ACCSL: variants seen among roughly 807,000 people sequenced by gnomAD.
The protein encoded by ACCSL is probable inactive 1-aminocyclopropane-1-carboxylate synthase-like protein 2.
In ACCSL, 55 loss-of-function variants were observed where a neutral mutation model predicts 61.7. That is an observed-to-expected ratio of 0.89 (90% CI 0.72 to 1.12). The LOEUF (loss-of-function observed/expected upper bound fraction) is 1.12, where lower values mean the gene tolerates loss of function less well. Ranked by LOEUF, ACCSL falls within the 50% of genes most tolerant of loss-of-function variation. ACCSL has a pLI of 0.00. For synonymous variants in ACCSL, 258 were observed against 264.3 expected, an observed-to-expected ratio of 0.98 and a Z score of 0.23; for missense variants, 632 against 698.0, an observed-to-expected ratio of 0.91 and a Z score of 1.07.
At chr11:44,029,941 C>T in the ACCSL span, among the ~76,000 whole-genome samples, 2 of 150,470 alleles carry the variant, frequency 1.3e-5, no homozygotes, top group African/African-American at 2.4e-5. Flanking sequence ...TCATGTCAAA[C>T]AGTCAAACCA....
At chr11:43,929,466 G>A in the ACCSL span, among the ~76,000 whole-genome samples, 1 of 149,506 alleles carries the variant, frequency 6.7e-6, no homozygotes, top group Non-Finnish European at 1.5e-5. Flanking sequence ...GGAGTGAAGT[G>A]GCACGATCTT....
chr11:44,042,632 T>TTTG, the ACCSL span, among the ~76,000 whole-genome samples: 70 of 41,352 alleles, frequency 1.7e-3, no homozygotes, highest in Admixed American at 4.0e-3. Context: ...GGTTGTTTTT[T>TTTG]TTTTGTTTGT....
At chr11:44,036,800 A>AG in the ACCSL span, among the ~76,000 whole-genome samples, 1 of 150,654 alleles carries the variant, frequency 6.6e-6, no homozygotes, top group East Asian at 1.9e-4. Context: ...AAAAAAAAAA[A>AG]GATTCCCAGG....
At position 44,053,401 on chromosome 11, in the gene ACCSL, C is replaced by T; in HGVS notation, c.949-5C>T. On this transcript the variant is annotated splice_region_variant and splice_polypyrimidine_tract_variant and intron_variant, in intron 7 of 13. Coordinates refer to ENST00000378832, the MANE Select transcript of ACCSL (RefSeq NM_001031854.2). ...TTCACTCAGTTATATTTGGGTTTTT[C>T]TTAGGGGAAAAAGGTCCGAGGCCTT... is the stretch of plus-strand genomic sequence containing the variant. The T allele has an allele frequency of 6.2e-7, 1 of 1,613,874 alleles. No homozygotes were observed. The highest frequency in any genetic ancestry group is 1.1e-5 in the South Asian group (1 of 91,068).
the ACCSL span, chr11:43,943,937 G>A: frequency 9.7e-7 from 1 of 1,034,838 alleles, no homozygotes; most frequent in Non-Finnish European, 1.3e-6. This position sits in a 1 kb window ranked among gnomAD's most constrained non-coding sequence, Gnocchi z 4.8. Context: ...CCCAAGACTC[G>A]GGGAGGTGGG....
chr11:44,004,502 G>T, the ACCSL span, among the ~76,000 whole-genome samples: 1 of 152,080 alleles, frequency 6.6e-6, no homozygotes, highest in Admixed American at 6.5e-5. Flanking sequence ...GCTGAGCTCT[G>T]GTCCCCTCCC....
chr11:43,943,721 G>T, the ACCSL span: 1 of 1,304,432 alleles, frequency 7.7e-7, no homozygotes, highest in Non-Finnish European at 1.0e-6. The surrounding 1 kb of genome is among the most constrained non-coding windows in gnomAD (Gnocchi z 4.8). Context: ...AGGCGTGGCC[G>T]TTGGGACTTT....
chr11:43,935,495 G>GC, the ACCSL span, among the ~76,000 whole-genome samples: 1 of 152,336 alleles, frequency 6.6e-6, no homozygotes, highest in East Asian at 1.9e-4. Flanking sequence ...CAGCCCCCCA[G>GC]CCCCCTGAGT....
chr11:44,030,133 C>T, the ACCSL span, among the ~76,000 whole-genome samples: 1 of 124,950 alleles, frequency 8.0e-6, no homozygotes, highest in Admixed American at 9.3e-5. Context: ...ACAGTGGTGA[C>T]CTGCCTCTCT....
the ACCSL span, among the ~76,000 whole-genome samples, chr11:43,997,239 T>C: frequency 2.6e-5 from 4 of 152,252 alleles, 1 homozygote; most frequent in South Asian, 8.3e-4. Flanking sequence ...AGGTATTTTA[T>C]GCTAAACAGA....
At chr11:43,933,220 G>A in the ACCSL span, 5 of 455,386 alleles carry the variant, frequency 1.1e-5, no homozygotes, top group African/African-American at 8.0e-5. Flanking sequence ...AAACTTCTCA[G>A]AATGCGAGGC....
chr11:43,981,922 A>AG, the ACCSL span, among the ~76,000 whole-genome samples: 1 of 152,158 alleles, frequency 6.6e-6, no homozygotes, highest in Non-Finnish European at 1.5e-5. Flanking sequence ...CTCCCCACAA[A>AG]GGAGCTGAAA....
rs756912781 is a variant in ACCSL, at chr11:44,058,430, G to T, written c.1441G>T (p.Gly481Cys). 1 of 1,614,134 alleles carries T rather than the reference G, an allele frequency of 6.2e-7. No homozygotes were observed. The highest frequency in any genetic ancestry group is 8.5e-7 in the Non-Finnish European group (1 of 1,180,038). The change falls in exon 12 of 14, where the codon GGC (glycine) becomes TGC (cysteine). Residue 481 changes from glycine (G) to cysteine (C), a missense_variant. By Grantham distance (159) the Gly-to-Cys change is radical. Transcript: ENST00000378832. ...LEIPFHNRSS[G>C]LYVWINLKKY... ...GATCCCTTTTCACAACCGCAGCTCT[G>T]GCCTCTATGTCTGGATCAACTTGAA... is the stretch of plus-strand genomic sequence containing the variant.
chr11:43,952,607 T>G, the ACCSL span, among the ~76,000 whole-genome samples: 1 of 152,180 alleles, frequency 6.6e-6, no homozygotes, highest in African/African-American at 2.4e-5. Flanking sequence ...CCCAGTCACA[T>G]ACCGCCTGCT....
the ACCSL span, among the ~76,000 whole-genome samples, chr11:43,993,986 A>G: frequency 1.3e-5 from 2 of 152,320 alleles, no homozygotes; most frequent in East Asian, 3.9e-4. Context: ...ACTGGGCTCC[A>G]TCCCAGAGTT....
the ACCSL span, among the ~76,000 whole-genome samples, chr11:43,931,073 A>G: frequency 2.6e-5 from 4 of 152,134 alleles, no homozygotes; most frequent in Non-Finnish European, 5.9e-5. Context: ...CTGTGGCCTT[A>G]CGACCCCATC....
At chr11:44,021,307 C>A in the ACCSL span, among the ~76,000 whole-genome samples, 4 of 152,064 alleles carry the variant, frequency 2.6e-5, no homozygotes, top group Non-Finnish European at 5.9e-5. Flanking sequence ...TTATTTATGG[C>A]CATTCTTGCA....
chr11:43,970,886 T>C, the ACCSL span, among the ~76,000 whole-genome samples: 3 of 152,194 alleles, frequency 2.0e-5, no homozygotes, highest in African/African-American at 7.2e-5. Flanking sequence ...CCTATGTTTG[T>C]TTTGCTCACT....
chr11:44,033,137 T>C, the ACCSL span, among the ~76,000 whole-genome samples: 3 of 152,174 alleles, frequency 2.0e-5, no homozygotes, highest in African/African-American at 7.2e-5. Context: ...GGATGGAACT[T>C]GGAAGGAAGA....
Sources: gnomAD v4.1 joint callset for allele counts (sites outside exome capture counted in the v4.1 genomes callset) on GRCh38, gnomAD v4.1.1 for gene constraint, Gnocchi (gnomAD v3.1) non-coding constraint, MANE v1.5 for transcripts, NCBI Gene and HGNC (gene_info 2026-07-23, HGNC 2026-07-21) for gene names.